BTD: variants seen among roughly 807,000 people sequenced by gnomAD.
BTD encodes biocytinase.
BTD carries 13 observed loss-of-function variants against 17.7 expected under a neutral mutation model. That is an observed-to-expected ratio of 0.74 (90% CI 0.48 to 1.17). BTD has a LOEUF of 1.17. Among genes scored for constraint, BTD ranks in the 50% most tolerant of loss-of-function variants. The pLI is 0.00. For synonymous variants in BTD, 240 were observed against 245.2 expected, an observed-to-expected ratio of 0.98 and a Z score of 0.20; for missense variants, 674 against 650.4, an observed-to-expected ratio of 1.04 and a Z score of -0.39.
At chr3:15,641,884 A>T in intron 2 of BTD, 24 bp from the exon 3 acceptor site, 1 of 1,532,398 alleles carries the variant, frequency 6.5e-7, no homozygotes, top group Non-Finnish European at 9.0e-7. Context: ...ATAACAGACT[A>T]TTCTTTGATG....
At position 15,653,325 on chromosome 3, in the gene BTD, C is replaced by T. The variant is rs1450627699; in HGVS notation, c.*7837C>T. 6.6e-6 allele frequency among the ~76,000 whole-genome samples: 1 copy of T among 152,272 alleles called. No individual in the cohort carries two copies. The highest frequency in any genetic ancestry group is 1.9e-4 in the East Asian group (1 of 5,206). On this transcript the variant is annotated 3_prime_UTR_variant, in exon 4 of 4. Transcript: ENST00000643237. ...CAGGTGCACGGGTCTTAATCATCACCTCAGTCCTCTGAAACAGGCAAGTGT... is the reference window on the plus strand; with the variant it reads ...CAGGTGCACGGGTCTTAATCATCACTTCAGTCCTCTGAAACAGGCAAGTGT...
rs1203904897 is a variant in BTD at position 15,652,617 on chromosome 3, T to C, written c.*7129T>C. 1.3e-5 allele frequency among the ~76,000 whole-genome samples: 2 copies of C among 152,202 alleles called. No homozygotes were observed. Among genetic ancestry groups the C allele is most frequent in the Non-Finnish European group, 2.9e-5 (2 of 68,028 alleles). ...TTGATTTCCTAAGTCTCAGAAACTA[T>C]AAAATATAAATGTGTGTTGTTTTAA... On this transcript the variant is annotated 3_prime_UTR_variant, in exon 4 of 4. Transcript: ENST00000643237.
chr3:15,673,073 G>T (rs1249636192), intron 3 of BTD, among the ~76,000 whole-genome samples: 6 of 152,144 alleles, frequency 3.9e-5, no homozygotes, highest in Admixed American at 3.9e-4. Context: ...CACCATGCCC[G>T]GCCAGTTTTA....
intron 3 of BTD, among the ~76,000 whole-genome samples, chr3:15,707,119 C>T: frequency 6.6e-6 from 1 of 152,096 alleles, no homozygotes; most frequent in Non-Finnish European, 1.5e-5. Flanking sequence ...ATATGAAGTA[C>T]ATTTTATAAC....
intron 1 of BTD, among the ~76,000 whole-genome samples, chr3:15,611,996 A>G (rs2064650455): frequency 6.6e-6 from 1 of 151,784 alleles, no homozygotes; most frequent in East Asian, 1.9e-4. Context: ...TTCTCTAAAC[A>G]ACAACTCCTT....
Position 15,695,652 on chromosome 3 carries a change from G to A in BTD, c.400-14408G>A, listed in dbSNP as rs954297530. ...ACTTTCCTTCTGGTTTGGTAAATTT[G>A]GGTGAATGGTGGTATTCTATTCCAG... On this transcript the variant is annotated intron_variant, in intron 3 of 3. Coordinates refer to the BTD transcript ENST00000672141. 2.0e-5 allele frequency among the ~76,000 whole-genome samples: 3 copies of A among 152,188 alleles called. No individual in the cohort carries two copies. In the South Asian group the frequency reaches 6.2e-4, roughly 32 times the overall value.
intron 2 of BTD, among the ~76,000 whole-genome samples, chr3:15,641,624 C>G (rs766595422): frequency 4.6e-5 from 7 of 152,206 alleles, no homozygotes; most frequent in Non-Finnish European, 1.0e-4. Flanking sequence ...AGCTTACTTT[C>G]AATGGAGCTT....
intron 1 of BTD, among the ~76,000 whole-genome samples, chr3:15,620,057 G>T (rs1206775707): frequency 6.6e-6 from 1 of 152,126 alleles, no homozygotes; most frequent in Admixed American, 6.5e-5. Context: ...CACTGATAAG[G>T]GTCCAACAAA....
intron 3 of BTD, among the ~76,000 whole-genome samples, chr3:15,693,523 A>G (rs1250664776): frequency 6.6e-6 from 1 of 152,166 alleles, no homozygotes; most frequent in Non-Finnish European, 1.5e-5. Context: ...TTAATATGCT[A>G]CTAGTTGAAT....
At chr3:15,663,889 AT>A (rs2065950846) in intron 3 of BTD, among the ~76,000 whole-genome samples, 1 of 152,196 alleles carries the variant, frequency 6.6e-6, no homozygotes, top group African/African-American at 2.4e-5. Flanking sequence ...AGGTGAACAC[AT>A]ACATGACTGA....
intron 1 of BTD, among the ~76,000 whole-genome samples, chr3:15,605,672 A>C (rs896394940): frequency 3.9e-4 from 59 of 152,216 alleles, no homozygotes; most frequent in African/African-American, 1.4e-3. Flanking sequence ...ATATATATAT[A>C]TATCTATGAA....
chr3:15,619,517 G>C (rs1461465144), intron 1 of BTD, among the ~76,000 whole-genome samples: 1 of 152,160 alleles, frequency 6.6e-6, no homozygotes, highest in African/African-American at 2.4e-5. Flanking sequence ...ATCTCACTTA[G>C]TCATGGTGTA....
chr3:15,695,038 C>T, intron 3 of BTD: 1 of 745,450 alleles, frequency 1.3e-6, no homozygotes, highest in East Asian at 2.7e-5. Context: ...TAAACATCTT[C>T]CTTTCCTCTG....
chr3:15,627,476 C>T (rs2125418592), intron 1 of BTD, among the ~76,000 whole-genome samples: 1 of 152,260 alleles, frequency 6.6e-6, no homozygotes, highest in South Asian at 2.1e-4. Flanking sequence ...AATCCTCCTG[C>T]CTCACCCTCC....
In BTD at chr3:15,696,316, A is replaced by C. The variant is rs572944663; in HGVS notation, c.400-13744A>C. The C allele has an allele frequency of 9.5e-5, 97 of 1,022,240 alleles. No homozygotes were observed. In the East Asian group the frequency reaches 2.6e-3, roughly 27 times the overall value. The allele number at this position is 1,022,240 out of a possible 1,614,324, so 63.3% of individuals were successfully genotyped here. On this transcript the variant is annotated intron_variant, in intron 3 of 3. Transcript: ENST00000672141. Reference sequence around the variant, plus strand: ...ATTAACCAATGATAAAAAGAGACTGAAATTAAAAACTGACAATTTTTCTTA... The same window carrying C: ...ATTAACCAATGATAAAAAGAGACTGCAATTAAAAACTGACAATTTTTCTTA...
intron 3 of BTD, chr3:15,696,187 A>G: frequency 2.5e-6 from 4 of 1,594,780 alleles, no homozygotes; most frequent in Non-Finnish European, 3.4e-6. Flanking sequence ...ACTGCGTTGT[A>G]TCCTTGCTTA....
intron 3 of BTD, chr3:15,667,508 A>G (rs2066044608): frequency 6.6e-6 from 1 of 152,250 alleles, no homozygotes; most frequent in African/African-American, 2.4e-5. Flanking sequence ...CTGTGTGAGG[A>G]TAAGAAACAC....
chr3:15,670,054 G>A, intron 3 of BTD: 1 of 531,342 alleles, frequency 1.9e-6, no homozygotes, highest in South Asian at 2.8e-5. Context: ...ACATCAATGT[G>A]TTTTCCTCAG....
Position 15,652,974 on chromosome 3 carries a change from T to C in BTD, c.*7486T>C, listed in dbSNP as rs994391364. Among the ~76,000 whole-genome samples the C allele has an allele frequency of 1.3e-5, 2 of 152,208 alleles. No individual in the cohort carries two copies. Among genetic ancestry groups the C allele is most frequent in the Non-Finnish European group, 2.9e-5 (2 of 68,044 alleles). ...GTCCATGCTGAACAAACTTGTTTGC[T>C]TTGAAATCGGAAGTTCTAGAGGAGG... On this transcript the variant is annotated 3_prime_UTR_variant, in exon 4 of 4. Coordinates refer to ENST00000643237, the MANE Select transcript of BTD (RefSeq NM_001370658.1).
Sources: gnomAD v4.1 joint callset for allele counts (sites outside exome capture counted in the v4.1 genomes callset) on GRCh38, gnomAD v4.1.1 for gene constraint, MANE v1.5 for transcripts, NCBI Gene and HGNC (gene_info 2026-07-23, HGNC 2026-07-21) for gene names.